The following MRC2 variants were observed in gnomAD, a reference collection of about 807,000 sequenced individuals.
MRC2 encodes C-type mannose receptor 2.
A neutral mutation model predicts 206.2 loss-of-function variants in MRC2; 84 were observed. The observed-to-expected ratio is 0.41, with a 90% CI of 0.34 to 0.49. The LOEUF (loss-of-function observed/expected upper bound fraction) is 0.49. MRC2 is among the 20% of genes least tolerant of loss of function. The pLI is 0.31. For missense variants in MRC2, 1,676 were observed against 2,001.5 expected (o/e 0.84, Z 3.10); for synonymous variants, 798 against 800.0 (o/e 1.00, Z 0.04).
chr17:62,650,549 C>T (rs948968138), intron 1 of MRC2, among the ~76,000 whole-genome samples: 2 of 152,244 alleles, frequency 1.3e-5, no homozygotes, highest in Non-Finnish European at 2.9e-5. Flanking sequence ...TCTGCCTGGC[C>T]ATCCTTCCCA....
intron 12 of MRC2, 31 bp from the exon 13 acceptor site, chr17:62,678,473 C>T: frequency 1.9e-6 from 3 of 1,601,406 alleles, no homozygotes; most frequent in Non-Finnish European, 2.6e-6. Context: ...CCAGTGGGGA[C>T]AGCTTAGACA....
In MRC2 at chr17:62,681,594, G is replaced by A. The variant is rs557124591; in HGVS notation, c.2703-243G>A. 1.2e-3 allele frequency: 600 copies of A among 515,010 alleles called. 4 individuals carry two copies. Among genetic ancestry groups the A allele is most frequent in the African/African-American group, 0.011 (551 of 50,816 alleles). 31.9% of individuals were successfully genotyped at this position (515,010 alleles called of 1,614,324 possible). A position where few individuals can be genotyped will look rare whatever the true frequency, so the allele number is the denominator to read the frequency against. On this transcript the variant is annotated intron_variant, in intron 18 of 29. Transcript: ENST00000303375. Reference sequence around the variant, plus strand: ...TTGCCCTTGGGCTTCCTGCCCTGGAGTCCTCAGGCTTCTTTTCTGGAGCAG... The same window carrying A: ...TTGCCCTTGGGCTTCCTGCCCTGGAATCCTCAGGCTTCTTTTCTGGAGCAG...
At chr17:62,657,825 C>CTCCA (rs2088635894) in intron 1 of MRC2, among the ~76,000 whole-genome samples, 1 of 152,188 alleles carries the variant, frequency 6.6e-6, no homozygotes, top group Non-Finnish European at 1.5e-5. Context: ...GTGCACTCCC[C>CTCCA]CTCCACTAGG....
chr17:62,646,477 C>T (rs1303773795), intron 1 of MRC2, among the ~76,000 whole-genome samples: 1 of 152,214 alleles, frequency 6.6e-6, no homozygotes, highest in Non-Finnish European at 1.5e-5. Flanking sequence ...CTCATTGTCA[C>T]TGATAGAAGT....
chr17:62,649,581 ACT>A (rs932026870), intron 1 of MRC2, among the ~76,000 whole-genome samples: 10 of 151,958 alleles, frequency 6.6e-5, no homozygotes, highest in Non-Finnish European at 4.4e-5. Context: ...ACAGAGAGAG[ACT>A]CTGTCTCAAA....
intron 1 of MRC2, among the ~76,000 whole-genome samples, chr17:62,649,373 T>C (rs890643964): frequency 3.9e-5 from 6 of 152,238 alleles, no homozygotes; most frequent in African/African-American, 1.4e-4. Flanking sequence ...GATGGATCAC[T>C]TGAGGTCGGG....
At chr17:62,632,994 C>T (rs186758710) in intron 1 of MRC2, among the ~76,000 whole-genome samples, 10 of 152,198 alleles carry the variant, frequency 6.6e-5, no homozygotes, top group African/African-American at 2.2e-4. Context: ...GGGACAGAGT[C>T]GGTGGGACCA....
chr17:62,690,658 G>A lies in MRC2; in HGVS notation c.3909G>A (p.Leu1303=), dbSNP rs751402765. 3.7e-6 allele frequency: 6 copies of A among 1,611,498 alleles called. No homozygotes were observed. Among genetic ancestry groups the A allele is most frequent in the Middle Eastern group, 1.7e-4 (1 of 6,038 alleles). The change falls in exon 27 of 30, where the codon CTG becomes CTA. Residue 1303 remains leucine (L), a synonymous_variant. Transcript: ENST00000303375. ...TGCATCCAGCGGGTGGGGCCGTCCT[G>A]TCTATCCTGGATGAGATGGAGAATG... ...QRCQRAGGAV[L]SILDEMENVF...
In MRC2 at chr17:62,690,217, C is replaced by T. The variant is rs568726486; in HGVS notation, c.3804C>T (p.Ser1268=). 2.1e-4 allele frequency: 336 copies of T among 1,613,200 alleles called. 5 individuals are homozygous for T. In the South Asian group the frequency reaches 3.2e-3, roughly 15 times the overall value. ...GCTGTCCCCAGGGACTGGCAGACTCCGCGTGGATTCCCTTCCGGGAGCACT... is the reference window on the plus strand; with the variant it reads ...GCTGTCCCCAGGGACTGGCAGACTCTGCGTGGATTCCCTTCCGGGAGCACT... The part of the protein sequence containing the change: ...HGSCPQGLAD[S]AWIPFREHCY... The change falls in exon 26 of 30, where the codon TCC becomes TCT. Residue 1268 remains serine (S), a synonymous_variant. Transcript: ENST00000303375.
chr17:62,689,725 C>T lies in MRC2; in HGVS notation c.3538C>T (p.Arg1180Cys), dbSNP rs369982929. 43 of 1,561,818 alleles carry T rather than the reference C, an allele frequency of 2.8e-5. No individual in the cohort carries two copies. Among genetic ancestry groups the T allele is most frequent in the Admixed American group, 7.5e-5 (4 of 53,146 alleles). ...AFLTQAARGL[R>C]TPLWIGLAGE... ...CCTCACGCAGGCTGCCCGAGGGCTG[C>T]GCACGCCGCTCTGGATTGGGCTGGC... Residue 1180 changes from arginine to cysteine, a missense_variant, in exon 24 of 30, where the codon CGC becomes TGC. Around this residue, in one of 3 missense-constraint regions of MRC2, gnomAD observed 1,354 missense variants for 1,636.6 expected, o/e 0.83. Coordinates refer to ENST00000303375, the MANE Select transcript of MRC2 (RefSeq NM_006039.5).
chr17:62,681,504 G>A (rs1485041523), intron 18 of MRC2: 3 of 460,866 alleles, frequency 6.5e-6, no homozygotes, highest in Admixed American at 8.1e-5. Flanking sequence ...TACTTACCAT[G>A]TACTGGGGGG....
Position 62,688,522 on chromosome 17 carries a change from C to G in MRC2, c.3083C>G (p.Pro1028Arg), listed in dbSNP as rs762862574. 5 of 1,614,250 alleles carry G rather than the reference C, an allele frequency of 3.1e-6. No homozygotes were observed. The highest frequency in any genetic ancestry group is 4.2e-6 in the Non-Finnish European group (5 of 1,180,044). The change falls in exon 22 of 30, where the codon CCC becomes CGC. Residue 1028 changes from proline to arginine, a missense_variant. By Grantham distance (103) the Pro-to-Arg change is moderately radical (BLOSUM62 -2). Coordinates refer to ENST00000303375, the MANE Select transcript of MRC2 (RefSeq NM_006039.5). ...ATAGCATTCATCACAGCCAGCCTGC[C>G]CAATGTGACCTTTGACCTTTGGATT... ...LEQAFITASL[P>R]NVTFDLWIGL...
chr17:62,668,018 T>C (rs1008215441), intron 6 of MRC2, among the ~76,000 whole-genome samples: 1 of 152,076 alleles, frequency 6.6e-6, no homozygotes, highest in African/African-American at 2.4e-5. Flanking sequence ...GGGAAGAGCA[T>C]ATGCAAAGGT....
Position 62,690,055 on chromosome 17 carries a change from TAGC to T in MRC2, c.3738_3740del (p.Ser1247del). 8.1e-6 allele frequency: 13 copies of T among 1,599,952 alleles called. No homozygotes were observed. The highest frequency in any genetic ancestry group is 4.5e-5 in the East Asian group (2 of 44,754). On this transcript the variant is annotated inframe_deletion, in exon 25 of 30. Transcript: ENST00000303375. ...AGCTGCAGGGGGCTGTGTGTGGGGTTAGCAGTGGTGAGTGCCCACCTGCCAGGG... is the reference window on the plus strand; with the variant it reads ...AGCTGCAGGGGGCTGTGTGTGGGGTTAGTGGTGAGTGCCCACCTGCCAGGG...
intron 1 of MRC2, among the ~76,000 whole-genome samples, chr17:62,657,634 TG>T (rs536440069): frequency 1.4e-5 from 1 of 71,980 alleles, no homozygotes; most frequent in Non-Finnish European, 2.7e-5. Context: ...TGGATGAGGC[TG>T]GGGGGTGGGT....
chr17:62,657,911 C>T (rs1057484458), intron 1 of MRC2, among the ~76,000 whole-genome samples: 2 of 152,114 alleles, frequency 1.3e-5, no homozygotes, highest in Non-Finnish European at 2.9e-5. Context: ...TCTCAAGAAC[C>T]CCCTGACCCC....
In MRC2 at chr17:62,680,480, A is replaced by G. The variant is rs1246728024; in HGVS notation, c.2473+27A>G. On this transcript the variant is annotated intron_variant, in intron 16 of 29. Coordinates refer to ENST00000303375, the MANE Select transcript of MRC2 (RefSeq NM_006039.5). The surrounding 1 kb of genome is among the most constrained non-coding windows in gnomAD (Gnocchi z 4.8). ...TGAGCACCCCCCAGCCCATCCCGCT[A>G]CCCATCGCGTGGGAGAGGGCGTCAA... The G allele has an allele frequency of 6.2e-6, 10 of 1,613,486 alleles. No homozygotes were observed. The South Asian group carries it at 7.7e-5, about 12-fold the overall frequency.
intron 1 of MRC2, among the ~76,000 whole-genome samples, chr17:62,628,701 A>C (rs1332785141): frequency 6.6e-6 from 1 of 152,334 alleles, no homozygotes; most frequent in Non-Finnish European, 1.5e-5. Context: ...AGAAAACCCC[A>C]AAACTGTGCC....
intron 24 of MRC2, 42 bp downstream of exon 24, chr17:62,689,802 G>A (rs1209076509): frequency 1.2e-5 from 18 of 1,530,040 alleles, no homozygotes; most frequent in Non-Finnish European, 1.4e-5. Context: ...AGCCTTGCCC[G>A]GGTTCCCCTC....
Sources: gnomAD v4.1 joint callset for allele counts (sites outside exome capture counted in the v4.1 genomes callset) on GRCh38, gnomAD v4.1.1 for gene constraint, gnomAD v4.1.1 regional missense constraint, Gnocchi (gnomAD v3.1) non-coding constraint, MANE v1.5 for transcripts, NCBI Gene and HGNC (gene_info 2026-07-23, HGNC 2026-07-21) for gene names.